The following ZMAT5 variants were observed in gnomAD, a reference collection of about 807,000 sequenced individuals.
ZMAT5 encodes the protein zinc finger matrin-type 5, also known as zinc finger matrin-type protein 5.
Under a neutral mutation model 28.0 loss-of-function variants are expected in ZMAT5, and 23 were observed. That is an observed-to-expected ratio of 0.82 (90% confidence interval 0.59 to 1.16). ZMAT5 has a LOEUF of 1.16. Ranked by LOEUF, ZMAT5 falls within the 50% of genes most tolerant of loss-of-function variation. The pLI is 0.00. For missense variants in ZMAT5, 173 were observed against 212.7 expected, an observed-to-expected ratio of 0.81 and a Z score of 1.16; for synonymous variants, 76 against 84.1, an observed-to-expected ratio of 0.90 and a Z score of 0.52.
intron 1 of ZMAT5, among the ~76,000 whole-genome samples, chr22:29,765,714 A>T (rs7288777): frequency 0.015 from 2,322 of 152,100 alleles, 56 homozygotes; most frequent in African/African-American, 0.05. Flanking sequence ...TACTAAAAAA[A>T]AAAATTAGCC....
At chr22:29,736,210 G>C (rs924033486) in intron 5 of ZMAT5, among the ~76,000 whole-genome samples, 1 of 152,212 alleles carries the variant, frequency 6.6e-6, no homozygotes, top group African/African-American at 2.4e-5. Flanking sequence ...GGTGTAGGAC[G>C]TGGATCCCTG....
chr22:29,743,743 T>C (rs979486998), intron 2 of ZMAT5, among the ~76,000 whole-genome samples: 2 of 152,250 alleles, frequency 1.3e-5, no homozygotes, highest in African/African-American at 4.8e-5. Flanking sequence ...ATCTTTACTT[T>C]CATCATATAG....
At chr22:29,736,895 C>T (rs1319402284) in intron 5 of ZMAT5, among the ~76,000 whole-genome samples, 2 of 151,240 alleles carry the variant, frequency 1.3e-5, no homozygotes, top group South Asian at 2.1e-4. Flanking sequence ...GGCGTGGTGG[C>T]GGGTGCCTGT....
intron 1 of ZMAT5, among the ~76,000 whole-genome samples, chr22:29,764,460 A>T (rs1048332219): frequency 6.6e-6 from 1 of 152,224 alleles, no homozygotes; most frequent in East Asian, 1.9e-4. Flanking sequence ...AAGCCTGATC[A>T]ATGTCAGAGT....
intron 1 of ZMAT5, among the ~76,000 whole-genome samples, chr22:29,749,300 CT>C (rs1457458670): frequency 6.6e-6 from 1 of 151,892 alleles, no homozygotes; most frequent in East Asian, 1.9e-4. Flanking sequence ...GGCTGGTCTC[CT>C]GGGCTCAAGT....
At chr22:29,747,308 G>A (rs2068017097) in intron 2 of ZMAT5, 1 of 152,122 alleles carries the variant, frequency 6.6e-6, no homozygotes, top group South Asian at 2.1e-4. Context: ...TTTGAGGCGG[G>A]GTCTCACAAT....
At chr22:29,742,519 G>C (rs528850982) in intron 2 of ZMAT5, 39 bp from the exon 3 acceptor site, 2 of 1,604,976 alleles carry the variant, frequency 1.2e-6, no homozygotes, top group East Asian at 4.5e-5. Context: ...GATGGTTCAG[G>C]CTCCACCAAA....
intron 1 of ZMAT5, among the ~76,000 whole-genome samples, chr22:29,762,636 C>T (rs1002489278): frequency 2.0e-5 from 3 of 152,182 alleles, no homozygotes; most frequent in East Asian, 3.8e-4. Flanking sequence ...CAGATGGGAC[C>T]GTCTAGTTGC....
Position 29,738,362 on chromosome 22 carries a change from T to A in ZMAT5, c.351A>T (p.Arg117Ser). 1.2e-6 allele frequency: 2 copies of A among 1,608,940 alleles called. No homozygotes were observed. The highest frequency in any genetic ancestry group is 1.7e-6 in the Non-Finnish European group (2 of 1,179,622). ...EGHLEDWLEK[R>S]AKRLSSAPSS... ...TTGGGGCTGAGCTCAGCCGCTTGGC[T>A]CTCTTCTCCAGCCAGTCCTCCAGAT... The change falls in exon 5 of 6, where the codon AGA (arginine) becomes AGT (serine). Residue 117 changes from arginine (R) to serine (S), a missense_variant. Physicochemically the swap from Arg to Ser is moderately radical, Grantham distance 110 (BLOSUM62 -1). Coordinates refer to ENST00000344318, the MANE Select transcript of ZMAT5 (RefSeq NM_001003692.2).
In ZMAT5 at chr22:29,748,194, T is replaced by A. The variant is rs1456302390; in HGVS notation, c.127+224A>T. 8.2e-6 allele frequency: 5 copies of A among 611,510 alleles called. No homozygotes were observed. In the East Asian group the frequency reaches 1.5e-4, roughly 18 times the overall value. 37.9% of individuals were successfully genotyped at this position (611,510 alleles called of 1,614,324 possible). A position where few individuals can be genotyped will look rare whatever the true frequency, so the allele number is the denominator to read the frequency against. On this transcript the variant is annotated intron_variant, in intron 2 of 5. Coordinates refer to ENST00000344318, the MANE Select transcript of ZMAT5 (RefSeq NM_001003692.2). ...AGCTGTTGGCTCAAACATCACCTCCTTCTAGGGCCTTCCTCCTGTCCACAG... is the reference window on the plus strand; with the variant it reads ...AGCTGTTGGCTCAAACATCACCTCCATCTAGGGCCTTCCTCCTGTCCACAG...
Position 29,738,253 on chromosome 22 carries a change from G to A in ZMAT5, c.383+77C>T. The stretch of plus-strand genomic sequence containing the variant: ...GCCTGGGCAGTTCATGGAGATTCCT[G>A]AGCCTCAGGAAGGGGAAGGCGGGCT... On this transcript the variant is annotated intron_variant, in intron 5 of 5. Transcript: ENST00000344318. The A allele has an allele frequency of 5.9e-6, 8 of 1,360,146 alleles. No homozygotes were observed. In the South Asian group the frequency reaches 9.4e-5, roughly 16 times the overall value. 84.3% of individuals were successfully genotyped at this position (1,360,146 alleles called of 1,614,324 possible).
chr22:29,764,437 T>G lies in ZMAT5; in HGVS notation c.-28+2435A>C, dbSNP rs537472885. Among the ~76,000 whole-genome samples, 3 of 152,276 alleles carry G rather than the reference T, an allele frequency of 2.0e-5. No homozygotes were observed. The South Asian group carries it at 6.2e-4, about 32-fold the overall frequency. ...TTACTGTTGCTCTTTACAGATGAAT[T>G]AAAAGAGAGTTAAAGCCTGATCAAT... On this transcript the variant is annotated intron_variant, in intron 1 of 5. Coordinates refer to ENST00000344318, the MANE Select transcript of ZMAT5 (RefSeq NM_001003692.2).
At chr22:29,761,238 A>G (rs2147238706) in intron 1 of ZMAT5, among the ~76,000 whole-genome samples, 1 of 133,006 alleles carries the variant, frequency 7.5e-6, no homozygotes, top group South Asian at 2.4e-4. Flanking sequence ...GTGCCACTGC[A>G]CTCTAGCCTG....
chr22:29,755,177 C>T (rs889286468), intron 1 of ZMAT5, among the ~76,000 whole-genome samples: 10 of 152,068 alleles, frequency 6.6e-5, no homozygotes, highest in Admixed American at 6.6e-4. Context: ...CGCCTATAAT[C>T]CCAGCTGCTC....
chr22:29,738,680 G>C (rs1000615055), intron 4 of ZMAT5, among the ~76,000 whole-genome samples: 3 of 152,062 alleles, frequency 2.0e-5, no homozygotes, highest in Non-Finnish European at 4.4e-5. Context: ...CAAGCTCTTG[G>C]GGAGCTGGAA....
chr22:29,734,212 CAG>C (rs2067882173), intron 5 of ZMAT5, among the ~76,000 whole-genome samples: 1 of 152,228 alleles, frequency 6.6e-6, no homozygotes, highest in Non-Finnish European at 1.5e-5. Flanking sequence ...CTGCTCTTGA[CAG>C]ATCCCTCAGG....
At chr22:29,732,534 G>A (rs941076330) in intron 5 of ZMAT5, among the ~76,000 whole-genome samples, 2 of 152,002 alleles carry the variant, frequency 1.3e-5, no homozygotes, top group Non-Finnish European at 2.9e-5. Context: ...TCAGGAGATC[G>A]AGACCATCCT....
Position 29,731,108 on chromosome 22 carries a change from G to A in ZMAT5, c.*117C>T, listed in dbSNP as rs2089934667. ...TGGTGTGGCCGTGTCCTGAGCCTCA[G>A]TGAGGCTGGGCAGATGGTCTCGGAG... is the stretch of plus-strand genomic sequence containing the variant. On this transcript the variant is annotated 3_prime_UTR_variant, in exon 6 of 6. Transcript: ENST00000344318. 8.5e-7 allele frequency: 1 copy of A among 1,173,016 alleles called. No homozygotes were observed. The highest frequency in any genetic ancestry group is 3.1e-5 in the Admixed American group (1 of 32,786). The allele number at this position is 1,173,016 out of a possible 1,614,324, so 72.7% of individuals were successfully genotyped here.
intron 4 of ZMAT5, among the ~76,000 whole-genome samples, chr22:29,739,388 G>C (rs868301709): frequency 2.0e-5 from 3 of 151,940 alleles, no homozygotes; most frequent in African/African-American, 7.3e-5. Context: ...GCCAGGCCTC[G>C]GTCTCTGGAG....
Sources: allele counts gnomAD v4.1 joint callset (sites outside exome capture counted in the v4.1 genomes callset), GRCh38; gene constraint gnomAD v4.1.1; transcripts MANE v1.5; gene names NCBI Gene and HGNC (gene_info 2026-07-23, HGNC 2026-07-21).